The following GPATCH2L variants were observed in gnomAD, a reference collection of about 807,000 sequenced individuals.
GPATCH2L encodes G patch domain-containing protein 2-like.
A neutral mutation model predicts 57.4 loss-of-function variants in GPATCH2L; 31 were observed. The ratio of observed to expected loss-of-function variants is 0.54; its 90% CI spans 0.41 to 0.73. The LOEUF (loss-of-function observed/expected upper bound fraction) is 0.73, where lower values mean the gene tolerates loss of function less well. Among genes scored for constraint, GPATCH2L ranks in the 30% least tolerant of loss-of-function variants. The probability of loss-of-function intolerance (pLI) is 0.00; values close to 1 mark genes in which losing one functional copy is unlikely to be tolerated. For missense variants in GPATCH2L, 481 were observed against 599.9 expected, an observed-to-expected ratio of 0.80 and a Z score of 2.07; for synonymous variants, 199 against 210.7, an observed-to-expected ratio of 0.94 and a Z score of 0.48.
rs1191718692 is a variant in GPATCH2L at position 76,209,421 on chromosome 14, TC to T, written c.*7572del. Reference sequence around the variant, plus strand: ...GTCCTTCTCTCACCTCCCTTGTTCCTCCTCCAAGCCCAGTGAGGTAGGAGGA... The same window carrying T: ...GTCCTTCTCTCACCTCCCTTGTTCCTCTCCAAGCCCAGTGAGGTAGGAGGA... On this transcript the variant is annotated 3_prime_UTR_variant, in exon 10 of 10. Coordinates refer to ENST00000261530, the MANE Select transcript of GPATCH2L (RefSeq NM_017926.4). 1 of 152,278 alleles carries T rather than the reference TC, an allele frequency of 6.6e-6. No homozygotes were observed. Among genetic ancestry groups the T allele is most frequent in the Non-Finnish European group, 1.5e-5 (1 of 68,086 alleles). The allele number at this position is 152,278 out of a possible 1,614,324, so 9.4% of individuals were successfully genotyped here. A position where few individuals can be genotyped will look rare whatever the true frequency, so the allele number is the denominator to read the frequency against.
chr14:76,192,971 C>A (rs1345338651), intron 8 of GPATCH2L, among the ~76,000 whole-genome samples: 4 of 151,936 alleles, frequency 2.6e-5, no homozygotes, highest in Admixed American at 6.6e-5. Flanking sequence ...GGAGGCATAG[C>A]AGTCAAGGGT....
intron 8 of GPATCH2L, among the ~76,000 whole-genome samples, chr14:76,194,756 TGTG>T (rs139745210): frequency 0.017 from 2,519 of 152,296 alleles, 49 homozygotes; most frequent in African/African-American, 0.058. Flanking sequence ...TTTTTAAAAT[TGTG>T]GTAAAATGTA....
chr14:76,206,519 A>T lies in GPATCH2L; in HGVS notation c.*4668A>T, dbSNP rs752767944. On this transcript the variant is annotated 3_prime_UTR_variant, in exon 10 of 10. Coordinates refer to ENST00000261530, the MANE Select transcript of GPATCH2L (RefSeq NM_017926.4). Reference sequence around the variant, plus strand: ...CAGATTTAGGGAATAAAAAATTTTTAAAGTACAGTGTTGAAGAATGGGGCA... The same window carrying T: ...CAGATTTAGGGAATAAAAAATTTTTTAAGTACAGTGTTGAAGAATGGGGCA... 6.6e-6 allele frequency: 1 copy of T among 152,232 alleles called. No individual in the cohort carries two copies. The highest frequency in any genetic ancestry group is 1.9e-4 in the East Asian group (1 of 5,196). The allele number at this position is 152,232 out of a possible 1,614,324, so 9.4% of individuals were successfully genotyped here.
downstream of GPATCH2L, among the ~76,000 whole-genome samples, chr14:76,218,757 G>A (rs1256265211): frequency 6.6e-6 from 1 of 151,718 alleles, no homozygotes; most frequent in African/African-American, 2.4e-5. Flanking sequence ...TAATTTGTGA[G>A]TAGTCATACA....
chr14:76,187,008 TATG>T (rs1406405717), intron 8 of GPATCH2L, among the ~76,000 whole-genome samples: 2 of 146,986 alleles, frequency 1.4e-5, no homozygotes, highest in Non-Finnish European at 3.0e-5. Context: ...CTCTGTTTCC[TATG>T]ATAATTGTGA....
At chr14:76,184,690 A>G (rs1275924752) in intron 8 of GPATCH2L, among the ~76,000 whole-genome samples, 1 of 152,044 alleles carries the variant, frequency 6.6e-6, no homozygotes, top group Non-Finnish European at 1.5e-5. Context: ...CATCTAATAG[A>G]TTTGTGGATT....
intron 3 of GPATCH2L, among the ~76,000 whole-genome samples, chr14:76,170,044 A>G (rs1212544310): frequency 6.6e-6 from 1 of 152,174 alleles, no homozygotes; most frequent in African/African-American, 2.4e-5. Context: ...TGCATGCTCA[A>G]AGTTGAGAAC....
In GPATCH2L at chr14:76,205,502, G is replaced by A. The variant is rs937109024; in HGVS notation, c.*3651G>A. On this transcript the variant is annotated 3_prime_UTR_variant, in exon 10 of 10. Transcript: ENST00000261530. ...TATTTTTGTAGCAAAATGGCCAAAA[G>A]CTGAAATAAATCTTCTTAGTCTGTG... 6.6e-6 allele frequency: 1 copy of A among 152,200 alleles called. No homozygotes were observed. Among genetic ancestry groups the A allele is most frequent in the Non-Finnish European group, 1.5e-5 (1 of 68,020 alleles). The allele number at this position is 152,200 out of a possible 1,614,324, so 9.4% of individuals were successfully genotyped here.
At chr14:76,226,281 T>A (rs1289849159) in intron 1 of GPATCH2L, among the ~76,000 whole-genome samples, 1 of 151,536 alleles carries the variant, frequency 6.6e-6, no homozygotes, top group African/African-American at 2.4e-5. Flanking sequence ...GAAATGAGGA[T>A]TAACAAACTG....
At chr14:76,159,286 G>C (rs758684077) in intron 2 of GPATCH2L, among the ~76,000 whole-genome samples, 1 of 152,192 alleles carries the variant, frequency 6.6e-6, no homozygotes, top group Non-Finnish European at 1.5e-5. Flanking sequence ...TTGAATTCTT[G>C]TGGTTCCCAC....
At chr14:76,198,509 T>G (rs2139816130) in intron 9 of GPATCH2L, among the ~76,000 whole-genome samples, 2 of 152,332 alleles carry the variant, frequency 1.3e-5, no homozygotes, top group South Asian at 4.1e-4. Flanking sequence ...CTTTAAAAAG[T>G]AAACACATGC....
At chr14:76,191,838 G>T (rs2039977027) in intron 8 of GPATCH2L, among the ~76,000 whole-genome samples, 1 of 152,000 alleles carries the variant, frequency 6.6e-6, no homozygotes, top group South Asian at 2.1e-4. Flanking sequence ...ATATACAATT[G>T]TTAACTATAG....
At position 76,207,549 on chromosome 14, in the gene GPATCH2L, A is replaced by G. The variant is rs1000309202; in HGVS notation, c.*5698A>G. On this transcript the variant is annotated 3_prime_UTR_variant, in exon 10 of 10. Transcript: ENST00000261530. ...AAAAATGAAAAAAAAAATTGGAAGA[A>G]AAAAACACCTTGGGTACATAGATGT... The G allele has an allele frequency of 3.3e-5, 5 of 152,166 alleles. No homozygotes were observed. The highest frequency in any genetic ancestry group is 6.5e-5 in the Admixed American group (1 of 15,280). The allele number at this position is 152,166 out of a possible 1,614,324, so 9.4% of individuals were successfully genotyped here.
chr14:76,215,934 A>T (rs147424999), downstream of GPATCH2L, among the ~76,000 whole-genome samples: 495 of 151,924 alleles, frequency 3.3e-3, 3 homozygotes, highest in African/African-American at 0.011. Context: ...AATAAAAATT[A>T]AAAAAAATGA....
At chr14:76,157,857 A>G (rs868214886) in intron 2 of GPATCH2L, among the ~76,000 whole-genome samples, 14 of 152,116 alleles carry the variant, frequency 9.2e-5, no homozygotes, top group African/African-American at 2.9e-4. Context: ...ATCCCTCACA[A>G]GTTTTGAGGA....
downstream of GPATCH2L, among the ~76,000 whole-genome samples, chr14:76,215,484 T>C (rs61979255): frequency 1.3e-5 from 2 of 151,572 alleles, no homozygotes; most frequent in South Asian, 2.1e-4. Context: ...TATTGCGGCA[T>C]TATTCACAAT....
chr14:76,171,798 A>G (rs987176145), intron 3 of GPATCH2L, 45 bp from the exon 4 acceptor site: 2 of 1,236,304 alleles, frequency 1.6e-6, no homozygotes, highest in Non-Finnish European at 2.2e-6. Context: ...TTTTTCTCAG[A>G]CCTTGTTTAA....
At chr14:76,187,769 A>G (rs2039823813) in intron 8 of GPATCH2L, among the ~76,000 whole-genome samples, 1 of 152,104 alleles carries the variant, frequency 6.6e-6, no homozygotes, top group Non-Finnish European at 1.5e-5. Flanking sequence ...TTAGATTATT[A>G]TTGACTGTAG....
chr14:76,178,401 G>T (rs146087412), intron 7 of GPATCH2L: 15 of 434,820 alleles, frequency 3.4e-5, no homozygotes, highest in African/African-American at 2.9e-4. Flanking sequence ...AACCATTTTT[G>T]TAGAAGACAG....
Sources: allele counts gnomAD v4.1 joint callset (sites outside exome capture counted in the v4.1 genomes callset), GRCh38; gene constraint gnomAD v4.1.1; transcripts MANE v1.5; gene names NCBI Gene and HGNC (gene_info 2026-07-23, HGNC 2026-07-21).